ADRA1B: variants seen among roughly 807,000 people sequenced by gnomAD.
ADRA1B encodes the protein alpha-1B adrenergic receptor.
Under a neutral mutation model 17.9 loss-of-function variants are expected in ADRA1B, and 17 were observed. That is an observed-to-expected ratio of 0.95 (90% CI 0.65 to 1.42). The LOEUF (loss-of-function observed/expected upper bound fraction) is 1.42. Among genes scored for constraint, ADRA1B ranks in the 40% most tolerant of loss-of-function variants. The probability of loss-of-function intolerance (pLI) is 0.00; values close to 1 mark genes in which losing one functional copy is unlikely to be tolerated. For synonymous variants in ADRA1B, 366 were observed against 327.6 expected, an observed-to-expected ratio of 1.12 and a Z score of -1.27; for missense variants, 681 against 722.1, an observed-to-expected ratio of 0.94 and a Z score of 0.65.
chr5:159,888,305 G>A (rs1753946967), intron 1 of ADRA1B: 1 of 152,142 alleles, frequency 6.6e-6, no homozygotes, highest in Non-Finnish European at 1.5e-5. Context: ...GACAGAGTGT[G>A]GGGGTTGATA....
intron 1 of ADRA1B, among the ~76,000 whole-genome samples, chr5:159,956,267 T>C (rs531022789): frequency 2.8e-3 from 433 of 152,236 alleles, no homozygotes; most frequent in Non-Finnish European, 4.5e-3. Context: ...AAAATGTCCA[T>C]TGCAAAAAGA....
At chr5:159,926,028 G>A (rs771579666) in intron 1 of ADRA1B, among the ~76,000 whole-genome samples, 2 of 152,274 alleles carry the variant, frequency 1.3e-5, no homozygotes, top group East Asian at 1.9e-4. Flanking sequence ...TCTAAGCAGT[G>A]ACCAACTCTC....
chr5:159,962,399 C>T lies in ADRA1B; in HGVS notation c.950-9480C>T, dbSNP rs200106323. Among the ~76,000 whole-genome samples, 176 of 136,300 alleles carry T rather than the reference C, an allele frequency of 1.3e-3. 2 individuals carry two copies. The highest frequency in any genetic ancestry group is 9.2e-3 in the East Asian group (32 of 3,482). 89.4% of individuals were successfully genotyped at this position (136,300 alleles called of 152,430 possible). On this transcript the variant is annotated intron_variant, in intron 1 of 1. Coordinates refer to ENST00000306675, the MANE Select transcript of ADRA1B (RefSeq NM_000679.4). The stretch of plus-strand genomic sequence containing the variant: ...CATCTGTCTGAGTGGTGCTGCCATC[C>T]GTCTGATTTCATTTCAAACCTCTCA...
rs561714738 is a variant in ADRA1B at position 159,924,198 on chromosome 5, A to G, written c.949+6344A>G. Among the ~76,000 whole-genome samples, 477 of 83,104 alleles carry G rather than the reference A, an allele frequency of 5.7e-3. 3 individuals carry two copies. The highest frequency in any genetic ancestry group is 0.014 in the Non-Finnish European group (379 of 26,938). 54.5% of individuals were successfully genotyped at this position (83,104 alleles called of 152,430 possible). A position where few individuals can be genotyped will look rare whatever the true frequency, so the allele number is the denominator to read the frequency against. On this transcript the variant is annotated intron_variant, in intron 1 of 1. Transcript: ENST00000306675. ...TCATGTAAATGATTCTTTTTCTTCT[A>G]AAGACTGTCTTTTCTATTTGGGGAC...
chr5:159,892,151 T>A (rs1358915839), intron 1 of ADRA1B, among the ~76,000 whole-genome samples: 1 of 152,082 alleles, frequency 6.6e-6, no homozygotes, highest in Non-Finnish European at 1.5e-5. Flanking sequence ...GCAAAAGAAT[T>A]GCTTGAACCC....
chr5:159,961,690 C>T (rs1254853156), intron 1 of ADRA1B, among the ~76,000 whole-genome samples: 1 of 152,214 alleles, frequency 6.6e-6, no homozygotes, highest in Non-Finnish European at 1.5e-5. Context: ...AGGATCAAAA[C>T]AGTTTCTCCA....
At chr5:159,932,655 G>T (rs1026194222) in intron 1 of ADRA1B, among the ~76,000 whole-genome samples, 3 of 152,026 alleles carry the variant, frequency 2.0e-5, no homozygotes, top group African/African-American at 7.3e-5. Flanking sequence ...TCCCCTCCAT[G>T]GAGGCAACCA....
chr5:159,904,889 T>A (rs960040204), intron 1 of ADRA1B, among the ~76,000 whole-genome samples: 1 of 152,226 alleles, frequency 6.6e-6, no homozygotes, highest in Non-Finnish European at 1.5e-5. Context: ...ACTAGAATCT[T>A]CCTCCTATCA....
intron 1 of ADRA1B, among the ~76,000 whole-genome samples, chr5:159,885,690 T>G (rs1753916246): frequency 6.6e-6 from 1 of 152,206 alleles, no homozygotes; most frequent in African/African-American, 2.4e-5. Context: ...TAACCAACCT[T>G]GAAGACATCC....
chr5:159,972,733 CCT>C lies in ADRA1B; in HGVS notation c.*251_*252del, dbSNP rs888822304. On this transcript the variant is annotated 3_prime_UTR_variant, in exon 2 of 2. Coordinates refer to ENST00000306675, the MANE Select transcript of ADRA1B (RefSeq NM_000679.4). The stretch of plus-strand genomic sequence containing the variant: ...GGGGACCCGACGCCGCCGGGATTTA[CCT>C]CTCTCTCTCCCTCTGTGTATATATA... Among the ~76,000 whole-genome samples the C allele has an allele frequency of 3.3e-5, 5 of 152,088 alleles. No individual in the cohort carries two copies. The highest frequency in any genetic ancestry group is 5.9e-5 in the Non-Finnish European group (4 of 67,996).
intron 1 of ADRA1B, among the ~76,000 whole-genome samples, chr5:159,891,300 C>T (rs143139271): frequency 2.2e-4 from 33 of 152,268 alleles, no homozygotes; most frequent in African/African-American, 5.8e-4. Context: ...TGATGAAAAA[C>T]GTAAATAAAT....
chr5:159,971,997 G>T lies in ADRA1B; in HGVS notation c.1068G>T (p.Lys356Asn). 6.8e-7 allele frequency: 1 copy of T among 1,476,160 alleles called. No homozygotes were observed. 91.4% of individuals were successfully genotyped at this position (1,476,160 alleles called of 1,614,324 possible). A position where few individuals can be genotyped will look rare whatever the true frequency, so the allele number is the denominator to read the frequency against. The change falls in exon 2 of 2, where the codon AAG (lysine) becomes AAT (asparagine). Residue 356 changes from lysine (K) to asparagine (N), a missense_variant. Transcript: ENST00000306675. ...ACCCATGCTCCAGCAAGGAGTTCAA[G>T]CGCGCTTTCGTGCGCATCCTCGGGT... Reference protein sequence around the residue: ...IIYPCSSKEFKRAFVRILGCQ... With the variant: ...IIYPCSSKEFNRAFVRILGCQ...
chr5:159,965,073 G>A lies in ADRA1B; in HGVS notation c.950-6806G>A, dbSNP rs1356723384. 7.1e-3 allele frequency among the ~76,000 whole-genome samples: 1,085 copies of A among 152,300 alleles called. 13 individuals carry two copies. The highest frequency in any genetic ancestry group is 0.025 in the African/African-American group (1,028 of 41,570). The stretch of plus-strand genomic sequence containing the variant: ...TTTGAACCCAGATCTACCTACCTGT[G>A]ATGTCTGAGCAGGTCCTTAACCACT... On this transcript the variant is annotated intron_variant, in intron 1 of 1. Transcript: ENST00000306675.
chr5:159,976,178 G>A (rs1281466242), downstream of ADRA1B, among the ~76,000 whole-genome samples: 1 of 152,176 alleles, frequency 6.6e-6, no homozygotes, highest in African/African-American at 2.4e-5. Flanking sequence ...GGCACTTGGT[G>A]AGCATCCCAT....
chr5:159,957,115 G>A (rs776646682), intron 1 of ADRA1B, among the ~76,000 whole-genome samples: 4 of 152,034 alleles, frequency 2.6e-5, no homozygotes, highest in East Asian at 1.9e-4. Flanking sequence ...CAAGTGATCC[G>A]CCCGCTTTGG....
At chr5:159,957,947 A>G (rs932015815) in intron 1 of ADRA1B, among the ~76,000 whole-genome samples, 11 of 129,344 alleles carry the variant, frequency 8.5e-5, no homozygotes, top group Admixed American at 2.2e-4. Context: ...AAAAAAAAAA[A>G]AAAAAGAAAA....
At chr5:159,898,196 T>C (rs1200804754) in intron 1 of ADRA1B, among the ~76,000 whole-genome samples, 1 of 152,212 alleles carries the variant, frequency 6.6e-6, no homozygotes, top group Non-Finnish European at 1.5e-5. Flanking sequence ...TGGTTGCTTC[T>C]AGAATGCCAA....
intron 1 of ADRA1B, among the ~76,000 whole-genome samples, chr5:159,908,706 T>A (rs1432005403): frequency 1.3e-5 from 2 of 152,150 alleles, no homozygotes; most frequent in African/African-American, 4.8e-5. Flanking sequence ...ACCACGGAAG[T>A]GTTGTTCGGA....
intron 1 of ADRA1B, among the ~76,000 whole-genome samples, chr5:159,891,122 C>T (rs539370312): frequency 6.6e-6 from 1 of 152,134 alleles, no homozygotes; most frequent in African/African-American, 2.4e-5. Flanking sequence ...GCTCCTTCTT[C>T]TGAAGAAAAA....
Sources: allele counts gnomAD v4.1 joint callset (sites outside exome capture counted in the v4.1 genomes callset), GRCh38; gene constraint gnomAD v4.1.1; transcripts MANE v1.5; gene names NCBI Gene and HGNC (gene_info 2026-07-23, HGNC 2026-07-21).